Variants in CSMD1 observed in about 807,000 individuals in gnomAD.
The protein encoded by CSMD1 is CUB and sushi domain-containing protein 1.
In CSMD1, 213 loss-of-function variants were observed where a neutral mutation model predicts 417.5. That is an observed-to-expected ratio of 0.51 (90% confidence interval 0.46 to 0.57). CSMD1 has a LOEUF of 0.57. CSMD1 is among the 20% of genes least tolerant of loss of function. The pLI, the probability that CSMD1 is intolerant of heterozygous loss-of-function variation, is 0.00. For missense variants in CSMD1, 6,923 were observed against 4,529.7 expected (o/e 1.53, Z -15.17); for synonymous variants, 2,862 against 1,736.8 (o/e 1.65, Z -16.11).
chr8:4,326,453 A>C (rs528917801), intron 3 of CSMD1, among the ~76,000 whole-genome samples: 2 of 152,288 alleles, frequency 1.3e-5, no homozygotes, highest in East Asian at 3.9e-4. Flanking sequence ...GAGGTAAAGA[A>C]TGCATATATG....
chr8:4,181,254 G>C (rs900989294), intron 3 of CSMD1, among the ~76,000 whole-genome samples: 19 of 152,244 alleles, frequency 1.2e-4, no homozygotes, highest in African/African-American at 4.1e-4. Context: ...ATACCACCCT[G>C]AACGTGCCCA....
Position 4,541,151 on chromosome 8 carries a change from A to G in CSMD1, c.302+96191T>C, listed in dbSNP as rs148627497. On this transcript the variant is annotated intron_variant, in intron 2 of 69. Coordinates refer to ENST00000635120, the MANE Select transcript of CSMD1 (RefSeq NM_033225.6). ...ATTTTTTTACCACCAATTTAAGCCA[A>G]TAGTGGTGCCAGGGCTCAATTTCAT... 2.5e-3 allele frequency among the ~76,000 whole-genome samples: 380 copies of G among 152,274 alleles called. 3 individuals are homozygous for G. The highest frequency in any genetic ancestry group is 8.9e-3 in the African/African-American group (369 of 41,556).
At chr8:3,803,560 T>C in intron 5 of CSMD1, among the ~76,000 whole-genome samples, 1 of 151,708 alleles carries the variant, frequency 6.6e-6, no homozygotes, top group South Asian at 2.1e-4. Context: ...AGCCCACAGG[T>C]GGGAAAGGCT....
rs764466822 is a variant in CSMD1 at position 2,942,590 on chromosome 8, C to A, written c.10417G>T (p.Asp3473Tyr). 3.8e-6 allele frequency: 6 copies of A among 1,592,554 alleles called. No homozygotes were observed. The Middle Eastern group carries it at 8.3e-4, about 220-fold the overall frequency. The change falls in exon 69 of 70, where the codon GAT becomes TAT. Residue 3473 changes from aspartate to tyrosine, a missense_variant. Coordinates refer to ENST00000635120, the MANE Select transcript of CSMD1 (RefSeq NM_033225.6). ...TGGTAATGACTGGAAGAGTCTTGATCTGGGTTTAAAGGATCTGTAAGATAA... is the reference window on the plus strand; with the variant it reads ...TGGTAATGACTGGAAGAGTCTTGATATGGGTTTAAAGGATCTGTAAGATAA... ...KLERQDPLNP[D>Y]QDSSSHYHGT...
At chr8:3,706,122 G>C (rs1421206743) in intron 7 of CSMD1, among the ~76,000 whole-genome samples, 1 of 152,220 alleles carries the variant, frequency 6.6e-6, no homozygotes, top group South Asian at 2.1e-4. Flanking sequence ...CGCCCCGTGT[G>C]GTTCACTTCC....
chr8:4,828,200 A>G (rs1397499660), intron 1 of CSMD1, among the ~76,000 whole-genome samples: 1 of 152,208 alleles, frequency 6.6e-6, no homozygotes, highest in Non-Finnish European at 1.5e-5. Flanking sequence ...TCAAAGCAGC[A>G]CTATTGTCAC....
intron 3 of CSMD1, among the ~76,000 whole-genome samples, chr8:4,288,296 G>A (rs932911391): frequency 6.6e-6 from 1 of 152,082 alleles, no homozygotes; most frequent in Non-Finnish European, 1.5e-5. Context: ...CTTTCCTAAG[G>A]TACTATTTTT....
intron 10 of CSMD1, among the ~76,000 whole-genome samples, chr8:3,526,142 C>T (rs998662893): frequency 2.0e-5 from 3 of 152,090 alleles, no homozygotes. Context: ...TTGAAAGTGG[C>T]AAGTTTCAAT....
intron 2 of CSMD1, among the ~76,000 whole-genome samples, chr8:4,587,970 C>A (rs1799787876): frequency 6.6e-6 from 1 of 152,136 alleles, no homozygotes; most frequent in Non-Finnish European, 1.5e-5. Context: ...GTATACCCAG[C>A]AACATCAACT....
At chr8:3,822,841 A>G (rs949270029) in intron 5 of CSMD1, among the ~76,000 whole-genome samples, 1 of 152,174 alleles carries the variant, frequency 6.6e-6, no homozygotes, top group African/African-American at 2.4e-5. Flanking sequence ...GGCACATAAA[A>G]TGAGCTATGC....
intron 25 of CSMD1, among the ~76,000 whole-genome samples, chr8:3,292,655 C>A (rs538388698): frequency 2.0e-5 from 3 of 152,096 alleles, no homozygotes; most frequent in Non-Finnish European, 4.4e-5. Flanking sequence ...GCAACCCCTG[C>A]CTTTTTTGTT....
At chr8:4,147,384 C>T (rs1477843037) in intron 3 of CSMD1, among the ~76,000 whole-genome samples, 1 of 152,092 alleles carries the variant, frequency 6.6e-6, no homozygotes, top group Non-Finnish European at 1.5e-5. Flanking sequence ...TGCTCTCCTC[C>T]ACACTGCCTT....
chr8:4,501,293 A>C (rs1203475371), intron 2 of CSMD1, among the ~76,000 whole-genome samples: 1 of 152,146 alleles, frequency 6.6e-6, no homozygotes, highest in African/African-American at 2.4e-5. Context: ...AGGATGCTTA[A>C]AAACATGAAT....
At chr8:3,627,374 A>T (rs1248133294) in intron 7 of CSMD1, among the ~76,000 whole-genome samples, 1 of 152,194 alleles carries the variant, frequency 6.6e-6, no homozygotes, top group East Asian at 1.9e-4. Context: ...TGAATTATTA[A>T]GTTATATATA....
At chr8:4,449,755 G>C (rs866662780) in intron 2 of CSMD1, among the ~76,000 whole-genome samples, 2 of 152,098 alleles carry the variant, frequency 1.3e-5, no homozygotes, top group Non-Finnish European at 1.5e-5. Context: ...AGAAACAATG[G>C]TGGCAAGCAG....
intron 5 of CSMD1, among the ~76,000 whole-genome samples, chr8:3,862,856 C>A (rs890039321): frequency 2.2e-4 from 34 of 152,140 alleles, no homozygotes; most frequent in African/African-American, 8.2e-4. Context: ...ATCTCTTGGT[C>A]ATTAGTTTTA....
chr8:3,485,276 G>A (rs1019885247), intron 11 of CSMD1, among the ~76,000 whole-genome samples: 2 of 152,140 alleles, frequency 1.3e-5, no homozygotes, highest in Non-Finnish European at 2.9e-5. Context: ...TTTGCTGAGT[G>A]AGAAGCAATC....
intron 25 of CSMD1, among the ~76,000 whole-genome samples, chr8:3,295,121 ATTTATTTAT>A (rs1048068299): frequency 1.6e-4 from 16 of 101,672 alleles, no homozygotes; most frequent in Non-Finnish European, 2.3e-4. Flanking sequence ...CTTTTATTTT[ATTTATTTAT>A]TTTATTTTAT....
intron 3 of CSMD1, among the ~76,000 whole-genome samples, chr8:4,403,277 A>G (rs1038385637): frequency 2.5e-4 from 38 of 152,216 alleles, no homozygotes; most frequent in Admixed American, 2.4e-3. Context: ...AACAATGAAC[A>G]TAACTCTTCT....
Sources: allele counts gnomAD v4.1 joint callset (sites outside exome capture counted in the v4.1 genomes callset), GRCh38; gene constraint gnomAD v4.1.1; transcripts MANE v1.5; gene names NCBI Gene and HGNC (gene_info 2026-07-23, HGNC 2026-07-21).